PSD3: variants seen among roughly 807,000 people sequenced by gnomAD.
PSD3 encodes the protein PH and SEC7 domain-containing protein 3.
PSD3 carries 49 observed loss-of-function variants against 105.5 expected under a neutral mutation model. The ratio of observed to expected loss-of-function variants is 0.46; its 90% confidence interval spans 0.37 to 0.59. The LOEUF is 0.59. PSD3 is among the 20% of genes least tolerant of loss of function. The pLI is 0.00. For synonymous variants in PSD3, 557 were observed against 457.8 expected, an observed-to-expected ratio of 1.22 and a Z score of -2.77; for missense variants, 1,561 against 1,263.8, an observed-to-expected ratio of 1.24 and a Z score of -3.57.
intron 1 of PSD3, among the ~76,000 whole-genome samples, chr8:19,024,081 C>A (rs960765199): frequency 8.5e-5 from 13 of 152,174 alleles, no homozygotes; most frequent in African/African-American, 3.1e-4. Flanking sequence ...TTCCTGTAAA[C>A]ATTTGAGAAG....
intron 1 of PSD3, among the ~76,000 whole-genome samples, chr8:19,081,985 C>T (rs1829659803): frequency 6.6e-6 from 1 of 152,118 alleles, no homozygotes; most frequent in South Asian, 2.1e-4. Flanking sequence ...CATTAGCATC[C>T]ACAGTGGTCA....
At chr8:18,625,284 A>G (rs28507513) in intron 11 of PSD3, among the ~76,000 whole-genome samples, 2,667 of 152,038 alleles carry the variant, frequency 0.018, 76 homozygotes, top group African/African-American at 0.06. Flanking sequence ...TATATCATCC[A>G]TCAAATTTTT....
Position 18,804,619 on chromosome 8 carries a change from T to C in PSD3, c.1830-17A>G. On this transcript the variant is annotated splice_polypyrimidine_tract_variant and intron_variant, in intron 5 of 15. Coordinates refer to ENST00000327040, the MANE Select transcript of PSD3 (RefSeq NM_015310.4). The stretch of plus-strand genomic sequence containing the variant: ...AATTCGTTGCTATAAGAAAACAGAA[T>C]AGACTTGGTTATTGAAAGGTAAACT... 3.1e-6 allele frequency: 5 copies of C among 1,611,118 alleles called. No individual in the cohort carries two copies. The South Asian group carries it at 3.3e-5, about 11-fold the overall frequency.
At chr8:18,883,759 T>A (rs1326161543) in intron 2 of PSD3, among the ~76,000 whole-genome samples, 1 of 152,228 alleles carries the variant, frequency 6.6e-6, no homozygotes, top group African/African-American at 2.4e-5. Flanking sequence ...GATAAGATAC[T>A]ATGGAGAATG....
At chr8:18,638,037 T>C (rs1284146195) in intron 10 of PSD3, among the ~76,000 whole-genome samples, 1 of 151,156 alleles carries the variant, frequency 6.6e-6, no homozygotes, top group Non-Finnish European at 1.5e-5. Context: ...GTGCCTGTAA[T>C]CCCAGCTACT....
chr8:18,572,640 T>G lies in PSD3; in HGVS notation c.2672A>C (p.Lys891Thr). 1 of 1,614,098 alleles carries G rather than the reference T, an allele frequency of 6.2e-7. No individual in the cohort carries two copies. The highest frequency in any genetic ancestry group is 2.2e-5 in the East Asian group (1 of 44,880). Residue 891 changes from lysine (K) to threonine (T), a missense_variant, in exon 14 of 16, where the codon AAA becomes ACA. Physicochemically the swap from Lys to Thr is moderately conservative, Grantham distance 78 (BLOSUM62 -1). Coordinates refer to ENST00000327040, the MANE Select transcript of PSD3 (RefSeq NM_015310.4). The stretch of plus-strand genomic sequence containing the variant: ...AAATACAGCTGCCACACAATTGATT[T>G]TGTTTATCCACCCTTGCATTTCCTC... ...SPEEMQGWIN[K>T]INCVAAVFSA...
chr8:18,917,931 G>C lies in PSD3; in HGVS notation c.130+18103C>G, dbSNP rs574799028. On this transcript the variant is annotated intron_variant, in intron 2 of 15. Transcript: ENST00000327040. ...TGTGGGTGTGGGCAGGTGGGCGTGTGTGTTTATGTATTTATGTATCCTAAC... is the reference window on the plus strand; with the variant it reads ...TGTGGGTGTGGGCAGGTGGGCGTGTCTGTTTATGTATTTATGTATCCTAAC... Among the ~76,000 whole-genome samples, 18 of 152,204 alleles carry C rather than the reference G, an allele frequency of 1.2e-4. No homozygotes were observed. The South Asian group carries it at 3.7e-3, about 32-fold the overall frequency.
At chr8:19,021,126 G>T (rs1034595224) in intron 1 of PSD3, among the ~76,000 whole-genome samples, 5 of 152,224 alleles carry the variant, frequency 3.3e-5, no homozygotes, top group Non-Finnish European at 7.3e-5. Flanking sequence ...AAATTAGGGA[G>T]ATGAGTAAGA....
intron 6 of PSD3, among the ~76,000 whole-genome samples, chr8:18,801,997 C>T (rs997502674): frequency 2.7e-4 from 41 of 152,028 alleles, no homozygotes; most frequent in African/African-American, 8.9e-4. Flanking sequence ...AGACTCAATA[C>T]ATCATCATAA....
intron 9 of PSD3, among the ~76,000 whole-genome samples, chr8:18,755,487 A>ATAACATAACATAACATAAC (rs1396646575): frequency 3.7e-5 from 3 of 80,784 alleles, no homozygotes; most frequent in African/African-American, 1.3e-4. Flanking sequence ...CATAACATAA[A>ATAACATAACATAACATAAC]AATGCTCCAA....
chr8:18,847,275 G>A (rs1210952592), intron 4 of PSD3, among the ~76,000 whole-genome samples: 1 of 152,092 alleles, frequency 6.6e-6, no homozygotes, highest in Non-Finnish European at 1.5e-5. Context: ...GTGCAATTGG[G>A]GTTTCAAAGT....
intron 2 of PSD3, among the ~76,000 whole-genome samples, chr8:18,920,882 G>C (rs138396702): frequency 0.018 from 2,704 of 152,220 alleles, 42 homozygotes; most frequent in Non-Finnish European, 0.026. Flanking sequence ...AATATGAATA[G>C]AGGTACCTGT....
intron 8 of PSD3, among the ~76,000 whole-genome samples, chr8:18,777,695 T>A (rs1808229754): frequency 6.6e-6 from 1 of 152,244 alleles, no homozygotes; most frequent in African/African-American, 2.4e-5. Flanking sequence ...TTCCAGCTAT[T>A]TTGAAATATT....
chr8:18,548,470 C>T (rs1183671065), intron 15 of PSD3, among the ~76,000 whole-genome samples: 1 of 152,156 alleles, frequency 6.6e-6, no homozygotes, highest in East Asian at 1.9e-4. Context: ...AATACTTTCT[C>T]CAAACAGCCA....
intron 1 of PSD3, among the ~76,000 whole-genome samples, chr8:18,937,906 C>T (rs17127479): frequency 0.042 from 6,346 of 152,076 alleles, 174 homozygotes; most frequent in South Asian, 0.064. Context: ...GACATATTGG[C>T]GGGAAGGCCA....
intron 9 of PSD3, among the ~76,000 whole-genome samples, chr8:18,667,992 A>C (rs2130900884): frequency 6.6e-6 from 1 of 152,294 alleles, no homozygotes; most frequent in East Asian, 1.9e-4. Context: ...GGGCCCGCGG[A>C]AGCCACACCC....
chr8:18,572,497 C>A, intron 14 of PSD3, 31 bp downstream of exon 14: 2 of 1,594,216 alleles, frequency 1.3e-6, no homozygotes, highest in Non-Finnish European at 1.7e-6. Context: ...AGTACTTTTT[C>A]CCAAGGTCAA....
chr8:18,576,334 T>C (rs17126842), intron 12 of PSD3, among the ~76,000 whole-genome samples: 4,653 of 152,218 alleles, frequency 0.031, 249 homozygotes, highest in African/African-American at 0.11. Flanking sequence ...AACGACAAAA[T>C]TGTTACTTTG....
At chr8:18,918,530 T>C (rs1820773815) in intron 2 of PSD3, among the ~76,000 whole-genome samples, 1 of 152,220 alleles carries the variant, frequency 6.6e-6, no homozygotes. Context: ...AGGTATTCAC[T>C]GAATGCGTGT....
Sources: gnomAD v4.1 joint callset for allele counts (sites outside exome capture counted in the v4.1 genomes callset) on GRCh38, gnomAD v4.1.1 for gene constraint, MANE v1.5 for transcripts, NCBI Gene and HGNC (gene_info 2026-07-23, HGNC 2026-07-21) for gene names.